SP4: variants seen among roughly 807,000 people sequenced by gnomAD.
SP4 encodes the protein transcription factor Sp4.
A neutral mutation model predicts 72.8 loss-of-function variants in SP4; 19 were observed. The observed-to-expected ratio is 0.26, with a 90% CI of 0.18 to 0.38. SP4 has a LOEUF of 0.38. SP4 is among the 10% of genes least tolerant of loss of function. SP4 has a pLI of 1.00. For missense variants in SP4, 1,008 were observed against 926.3 expected (o/e 1.09, Z -1.14); for synonymous variants, 395 against 333.1 (o/e 1.19, Z -2.02).
intron 4 of SP4, 43 bp from the exon 5 acceptor site, chr7:21,481,881 C>T (rs765534285): frequency 7.6e-7 from 1 of 1,318,286 alleles, no homozygotes; most frequent in East Asian, 2.3e-5. Flanking sequence ...TGTAAACCTA[C>T]TATTTGGCAG....
chr7:21,449,452 T>G (rs1783523601), intron 3 of SP4, among the ~76,000 whole-genome samples: 1 of 152,234 alleles, frequency 6.6e-6, no homozygotes, highest in African/African-American at 2.4e-5. Context: ...ATCTTATTAT[T>G]AAGAAAGTAT....
chr7:21,467,991 A>G (rs1286677169), intron 3 of SP4, among the ~76,000 whole-genome samples: 3 of 152,146 alleles, frequency 2.0e-5, no homozygotes, highest in Admixed American at 6.5e-5. Flanking sequence ...TTATAGGTAG[A>G]TAGATAAATA....
intron 3 of SP4, among the ~76,000 whole-genome samples, chr7:21,445,099 A>G (rs1783379902): frequency 6.6e-6 from 1 of 152,190 alleles, no homozygotes; most frequent in Non-Finnish European, 1.5e-5. Context: ...ATCACAAACT[A>G]ATTTTGAATA....
intron 4 of SP4, among the ~76,000 whole-genome samples, chr7:21,481,594 T>G (rs1331406999): frequency 6.6e-6 from 1 of 152,184 alleles, no homozygotes; most frequent in Non-Finnish European, 1.5e-5. Context: ...GATTTAGCCA[T>G]CCTTTTGAAA....
rs773420262 is a variant in SP4, at chr7:21,511,666, G to A, written c.*397G>A. The A allele has an allele frequency of 1.3e-4, 22 of 166,910 alleles. No homozygotes were observed. The highest frequency in any genetic ancestry group is 6.5e-4 in the East Asian group (4 of 6,168). The allele number at this position is 166,910 out of a possible 1,614,324, so 10.3% of individuals were successfully genotyped here. A position where few individuals can be genotyped will look rare whatever the true frequency, so the allele number is the denominator to read the frequency against. On this transcript the variant is annotated 3_prime_UTR_variant, in exon 6 of 6. Coordinates refer to ENST00000222584, the MANE Select transcript of SP4 (RefSeq NM_003112.5). ...ATAAATTCAGTCAGTAATAATTTAC[G>A]TGTATTCTTTTTCTCTATAGCACAG...
intron 2 of SP4, among the ~76,000 whole-genome samples, 169 bp from the exon 3 acceptor site, chr7:21,429,116 TATTC>T (rs148165266): frequency 0.014 from 2,194 of 152,302 alleles, 49 homozygotes; most frequent in African/African-American, 0.051. Context: ...CTTGCTTCCT[TATTC>T]ATATAGTTCT....
intron 3 of SP4, among the ~76,000 whole-genome samples, chr7:21,461,227 C>T (rs1389966153): frequency 1.3e-5 from 2 of 152,164 alleles, no homozygotes; most frequent in African/African-American, 4.8e-5. Flanking sequence ...GTCGATGGGA[C>T]CGGGTGCCAT....
rs369990008 is a variant in SP4, at chr7:21,428,232, G to A, written c.-20G>A. ...TCTATCCCAGTGTCTCCGTCTGAGG[G>A]TTTGTCCTGTTAATGCGGGATGAGC... On this transcript the variant is annotated 5_prime_UTR_variant, in exon 1 of 6. Transcript: ENST00000222584. 5.3e-5 allele frequency: 79 copies of A among 1,483,436 alleles called. 1 individual carries two copies. The African/African-American group carries it at 1.0e-3, about 19-fold the overall frequency. The allele number at this position is 1,483,436 out of a possible 1,614,324, so 91.9% of individuals were successfully genotyped here.
At chr7:21,507,528 G>C (rs1782029439) in intron 5 of SP4, among the ~76,000 whole-genome samples, 1 of 152,094 alleles carries the variant, frequency 6.6e-6, no homozygotes, top group South Asian at 2.1e-4. Context: ...TTTTTACTAG[G>C]CTCTTTTTCT....
At chr7:21,476,208 A>G (rs1302175625) in intron 3 of SP4, among the ~76,000 whole-genome samples, 16 of 128,396 alleles carry the variant, frequency 1.2e-4, no homozygotes, top group Non-Finnish European at 9.4e-5. Context: ...CAGGAGGTGG[A>G]GGTTGCAGTG....
At chr7:21,452,783 A>ATT (rs1210906365) in intron 3 of SP4, among the ~76,000 whole-genome samples, 24 of 136,900 alleles carry the variant, frequency 1.8e-4, no homozygotes, top group African/African-American at 3.5e-4. Context: ...TTTACTCATT[A>ATT]TTTTTTTTTT....
At chr7:21,480,906 G>T (rs1453199996) in intron 4 of SP4, among the ~76,000 whole-genome samples, 1 of 152,136 alleles carries the variant, frequency 6.6e-6, no homozygotes, top group East Asian at 1.9e-4. Flanking sequence ...GAGATTTGGA[G>T]CTCTTTGTTT....
chr7:21,429,973 G>A lies in SP4; in HGVS notation c.808G>A (p.Val270Met). 6.2e-7 allele frequency: 1 copy of A among 1,614,212 alleles called. No homozygotes were observed. Among genetic ancestry groups the A allele is most frequent in the South Asian group, 1.1e-5 (1 of 91,086 alleles). ...NIGGVTLALP[V>M]INNVAAGGGT... ...TGGAGGAGTGACTCTAGCTTTGCCA[G>A]TGATAAACAACGTGGCTGCCGGAGG... is the stretch of plus-strand genomic sequence containing the variant. The change falls in exon 3 of 6, where the codon GTG becomes ATG. Residue 270 changes from valine (V) to methionine (M), a missense_variant. By Grantham distance (21) the Val-to-Met change is conservative. This residue lies in a region of SP4 where 893 missense variants were observed against 743.3 expected (regional missense o/e 1.20). Coordinates refer to ENST00000222584, the MANE Select transcript of SP4 (RefSeq NM_003112.5).
At chr7:21,435,488 G>T (rs184476642) in intron 3 of SP4, among the ~76,000 whole-genome samples, 1 of 151,842 alleles carries the variant, frequency 6.6e-6, no homozygotes, top group Non-Finnish European at 1.5e-5. Flanking sequence ...TTTTTTTCCA[G>T]AGCTACTAAA....
intron 3 of SP4, among the ~76,000 whole-genome samples, chr7:21,441,473 C>G (rs898585616): frequency 2.6e-5 from 4 of 152,104 alleles, no homozygotes; most frequent in African/African-American, 7.2e-5. Context: ...GAACCATTTC[C>G]TAACATTTTG....
chr7:21,505,191 C>T (rs532062864), intron 5 of SP4, among the ~76,000 whole-genome samples: 2 of 152,266 alleles, frequency 1.3e-5, no homozygotes, highest in Non-Finnish European at 2.9e-5. Flanking sequence ...TTGGAGTTCT[C>T]TTTTTGTCTT....
intron 3 of SP4, among the ~76,000 whole-genome samples, chr7:21,454,745 C>T (rs73685129): frequency 6.6e-6 from 1 of 152,032 alleles, no homozygotes; most frequent in Non-Finnish European, 1.5e-5. Flanking sequence ...GTAGGACTTT[C>T]CAGTTGAAGT....
intron 5 of SP4, among the ~76,000 whole-genome samples, chr7:21,496,005 A>T (rs867514416): frequency 6.6e-6 from 1 of 152,224 alleles, no homozygotes. Flanking sequence ...AAAAGACTGC[A>T]TAATATATGA....
chr7:21,477,002 C>A, intron 3 of SP4, 77 bp from the exon 4 acceptor site: 1 of 1,050,190 alleles, frequency 9.5e-7, no homozygotes, highest in Non-Finnish European at 1.4e-6. Context: ...ATTTATTATG[C>A]ACATAGATTT....
Sources: allele counts gnomAD v4.1 joint callset (sites outside exome capture counted in the v4.1 genomes callset), GRCh38; gene constraint gnomAD v4.1.1; regional missense constraint gnomAD v4.1.1; transcripts MANE v1.5; gene names NCBI Gene and HGNC (gene_info 2026-07-23, HGNC 2026-07-21).